Variants in PBX4 observed in about 807,000 individuals in gnomAD.
PBX4 encodes the protein pre-B-cell leukemia transcription factor 4.
A neutral mutation model predicts 35.1 loss-of-function variants in PBX4; 26 were observed. The ratio of observed to expected loss-of-function variants is 0.74; its 90% CI spans 0.54 to 1.03. PBX4 has a LOEUF of 1.03. PBX4 is among the 50% of genes least tolerant of loss of function. PBX4 has a pLI of 0.00. For missense variants in PBX4, 448 were observed against 504.3 expected (o/e 0.89, Z 1.07); for synonymous variants, 199 against 204.2 (o/e 0.97, Z 0.22).
chr19:19,562,238 G>A lies in PBX4; in HGVS notation c.1033-121C>T, dbSNP rs1266260705. 1 of 685,434 alleles carries A rather than the reference G, an allele frequency of 1.5e-6. No homozygotes were observed. Among genetic ancestry groups the A allele is most frequent in the Admixed American group, 2.9e-5 (1 of 34,064 alleles). The allele number at this position is 685,434 out of a possible 1,614,324, so 42.5% of individuals were successfully genotyped here. Reference sequence around the variant, plus strand: ...GAAGGCTTGGAAAAGATCCACAGATGACCTCCAGCTCAGTGGAGGAGGGAA... The same window carrying A: ...GAAGGCTTGGAAAAGATCCACAGATAACCTCCAGCTCAGTGGAGGAGGGAA... On this transcript the variant is annotated intron_variant, in intron 7 of 7. Coordinates refer to ENST00000251203, the MANE Select transcript of PBX4 (RefSeq NM_025245.3). The surrounding 1 kb of genome is among the most constrained non-coding windows in gnomAD (Gnocchi z 4.8).
At chr19:19,591,698 C>T (rs2061529240) in intron 2 of PBX4, among the ~76,000 whole-genome samples, 1 of 152,180 alleles carries the variant, frequency 6.6e-6, no homozygotes, top group African/African-American at 2.4e-5. Flanking sequence ...GATCTGAGAT[C>T]CGAAGCTTTT....
At chr19:19,596,685 A>G (rs35842591) in intron 2 of PBX4, among the ~76,000 whole-genome samples, 32,949 of 151,882 alleles carry the variant, frequency 0.22, 3,940 homozygotes, top group East Asian at 0.31. Context: ...GCTCACACAC[A>G]TAATCCCAGC....
intron 2 of PBX4, among the ~76,000 whole-genome samples, chr19:19,583,246 T>C (rs1387931133): frequency 6.6e-6 from 1 of 152,072 alleles, no homozygotes; most frequent in Non-Finnish European, 1.5e-5. Context: ...GCCATTGCAC[T>C]CCAGCCTGGG....
chr19:19,587,593 A>T (rs1226205647), intron 2 of PBX4, among the ~76,000 whole-genome samples: 2 of 68,760 alleles, frequency 2.9e-5, no homozygotes, highest in South Asian at 7.5e-4. Context: ...GTCTCAAATT[A>T]AAAAAAAAAA....
chr19:19,616,381 G>A (rs1292044145), intron 1 of PBX4, among the ~76,000 whole-genome samples: 1 of 152,104 alleles, frequency 6.6e-6, no homozygotes, highest in Non-Finnish European at 1.5e-5. Flanking sequence ...AGGTTGGAAT[G>A]CAGTGGCGCT....
chr19:19,591,185 G>A (rs1332059239), intron 2 of PBX4, among the ~76,000 whole-genome samples: 2 of 152,134 alleles, frequency 1.3e-5, no homozygotes, highest in African/African-American at 4.8e-5. Context: ...ATGGGACTCA[G>A]CCCCAGGGTA....
chr19:19,577,866 A>G (rs2061430051), intron 2 of PBX4, among the ~76,000 whole-genome samples: 1 of 150,872 alleles, frequency 6.6e-6, no homozygotes, highest in African/African-American at 2.4e-5. Context: ...TAAAAAAATA[A>G]TAATTAAAAA....
intron 2 of PBX4, among the ~76,000 whole-genome samples, chr19:19,595,623 T>C (rs2061556193): frequency 2.0e-5 from 3 of 151,314 alleles, no homozygotes. Context: ...GCATATGAGG[T>C]GGGCAGGAAG....
chr19:19,564,846 A>C, intron 6 of PBX4, 87 bp downstream of exon 6: 1 of 1,501,378 alleles, frequency 6.7e-7, no homozygotes, highest in Admixed American at 1.8e-5. Context: ...GGGAAGGGAG[A>C]TGTGGTCCCA....
intron 2 of PBX4, among the ~76,000 whole-genome samples, chr19:19,594,055 G>A (rs2061544412): frequency 6.7e-6 from 1 of 149,204 alleles, no homozygotes; most frequent in African/African-American, 2.5e-5. Context: ...AGCCAATCTG[G>A]GCAACACAGT....
At chr19:19,577,728 G>A (rs910703655) in intron 2 of PBX4, among the ~76,000 whole-genome samples, 24 of 152,026 alleles carry the variant, frequency 1.6e-4, no homozygotes, top group Non-Finnish European at 2.1e-4. Flanking sequence ...GCGTGGTGGC[G>A]CGTGCCTGTA....
intron 5 of PBX4, among the ~76,000 whole-genome samples, chr19:19,567,734 C>T (rs1178101259): frequency 1.3e-5 from 2 of 152,148 alleles, no homozygotes; most frequent in Non-Finnish European, 2.9e-5. Context: ...ACCCCCAGTT[C>T]CACAGAGGAC....
intron 1 of PBX4, among the ~76,000 whole-genome samples, chr19:19,604,324 T>C (rs1230300171): frequency 6.6e-6 from 1 of 151,704 alleles, no homozygotes; most frequent in Non-Finnish European, 1.5e-5. Flanking sequence ...TGCCAAAAAT[T>C]TGATGGGCAT....
chr19:19,572,877 A>G, intron 2 of PBX4, among the ~76,000 whole-genome samples: 1 of 123,412 alleles, frequency 8.1e-6, no homozygotes, highest in Non-Finnish European at 1.8e-5. Flanking sequence ...AAAAAAAAAG[A>G]GATTTCCACT....
At position 19,563,418 on chromosome 19, in the gene PBX4, C is replaced by A; in HGVS notation, c.1032+91G>T. 3 of 1,051,424 alleles carry A rather than the reference C, an allele frequency of 2.9e-6. No homozygotes were observed. The highest frequency in any genetic ancestry group is 3.4e-5 in the South Asian group (2 of 58,976). The allele number at this position is 1,051,424 out of a possible 1,614,324, so 65.1% of individuals were successfully genotyped here. A position where few individuals can be genotyped will look rare whatever the true frequency, so the allele number is the denominator to read the frequency against. On this transcript the variant is annotated intron_variant, in intron 7 of 7. Transcript: ENST00000251203. This position sits in a 1 kb window ranked among gnomAD's most constrained non-coding sequence, Gnocchi z 5.1. ...GTGGCTGCTGGGACCTCTGGGGAAG[C>A]TGCCCCAAGGCCGAGGGGTGGCTGA... is the stretch of plus-strand genomic sequence containing the variant.
Position 19,607,371 on chromosome 19 carries a change from A to T in PBX4, c.120-8006T>A, listed in dbSNP as rs189773412. ...GCCTGGCCACATATCTGAGTTTTTT[A>T]AAATGCTAATGTTTATGAGAAAAAT... On this transcript the variant is annotated intron_variant, in intron 1 of 7. Coordinates refer to ENST00000251203, the MANE Select transcript of PBX4 (RefSeq NM_025245.3). Among the ~76,000 whole-genome samples, 1,295 of 152,292 alleles carry T rather than the reference A, an allele frequency of 8.5e-3. 22 individuals are homozygous for T. Among genetic ancestry groups the T allele is most frequent in the African/African-American group, 0.03 (1,242 of 41,562 alleles).
chr19:19,583,962 G>A (rs1276770867), intron 2 of PBX4, among the ~76,000 whole-genome samples: 6 of 152,076 alleles, frequency 3.9e-5, no homozygotes, highest in Admixed American at 2.6e-4. Flanking sequence ...CCAGCTACTC[G>A]GGAGGCTGAG....
chr19:19,575,823 A>C (rs920093007), intron 2 of PBX4, among the ~76,000 whole-genome samples: 2 of 152,124 alleles, frequency 1.3e-5, no homozygotes, highest in African/African-American at 4.8e-5. Flanking sequence ...CTTGTTCAAC[A>C]GCTCCTTCCT....
At chr19:19,581,449 C>G (rs752914582) in intron 2 of PBX4, among the ~76,000 whole-genome samples, 5 of 152,176 alleles carry the variant, frequency 3.3e-5, no homozygotes, top group Admixed American at 6.5e-5. Context: ...TGAGAGTAAA[C>G]CTATTTCCTC....
Sources: allele counts gnomAD v4.1 joint callset (sites outside exome capture counted in the v4.1 genomes callset), GRCh38; gene constraint gnomAD v4.1.1; non-coding constraint Gnocchi (gnomAD v3.1); transcripts MANE v1.5; gene names NCBI Gene and HGNC (gene_info 2026-07-23, HGNC 2026-07-21).